The following C16orf46 variants were observed in gnomAD, a reference collection of about 807,000 sequenced individuals.
C16orf46 encodes the protein uncharacterized protein C16orf46.
C16orf46 carries 7 observed loss-of-function variants against 5.5 expected under a neutral mutation model. That is an observed-to-expected ratio of 1.28 (90% CI 0.73 to 2.40). C16orf46 has a LOEUF of 2.40. C16orf46 is among the 30% of genes most tolerant of loss of function. The probability of loss-of-function intolerance (pLI) is 0.00; values close to 1 mark genes in which losing one functional copy is unlikely to be tolerated. For synonymous variants in C16orf46, 200 were observed against 184.1 expected, an observed-to-expected ratio of 1.09 and a Z score of -0.70; for missense variants, 614 against 476.0, an observed-to-expected ratio of 1.29 and a Z score of -2.70.
chr16:81,061,784 G>C lies in C16orf46; in HGVS notation c.565C>G (p.Pro189Ala). The change falls in exon 4 of 4, where the codon CCC becomes GCC. Residue 189 changes from proline (P) to alanine (A), a missense_variant. Transcript: ENST00000299578. ...AGCCCTCTGTGGGCCCCTCCACTGG[G>C]ATTCCCAGAGGCCTTGCCCCTATTA... is the stretch of plus-strand genomic sequence containing the variant. Reference protein sequence around the residue: ...GTNRGKASGNPSGGAHRGLSI... With the variant: ...GTNRGKASGNASGGAHRGLSI... 1 of 1,613,948 alleles carries C rather than the reference G, an allele frequency of 6.2e-7. No homozygotes were observed. Among genetic ancestry groups the C allele is most frequent in the Non-Finnish European group, 8.5e-7 (1 of 1,179,922 alleles).
chr16:81,075,408 G>C lies in C16orf46; in HGVS notation c.-128+1728C>G, dbSNP rs1033752224. On this transcript the variant is annotated intron_variant, in intron 1 of 3. Coordinates refer to ENST00000299578, the MANE Select transcript of C16orf46 (RefSeq NM_152337.3). Reference sequence around the variant, plus strand: ...AGTTCAAGACCAGGCTGGCCAATATGATGAAACCCCATCTTTACCGAAAAT... The same window carrying C: ...AGTTCAAGACCAGGCTGGCCAATATCATGAAACCCCATCTTTACCGAAAAT... Among the ~76,000 whole-genome samples the C allele has an allele frequency of 3.3e-5, 5 of 152,244 alleles. 1 individual carries two copies. The highest frequency in any genetic ancestry group is 9.6e-5 in the African/African-American group (4 of 41,534).
intron 1 of C16orf46, among the ~76,000 whole-genome samples, chr16:81,067,621 C>T (rs1010616610): frequency 2.0e-5 from 3 of 151,964 alleles, no homozygotes; most frequent in East Asian, 1.9e-4. Context: ...GGTGTGATCT[C>T]GGATCACTGC....
downstream of C16orf46, among the ~76,000 whole-genome samples, chr16:81,058,221 AC>A (rs1843840905): frequency 6.6e-6 from 1 of 152,222 alleles, no homozygotes; most frequent in African/African-American, 2.4e-5. Context: ...AAGCTGGGGT[AC>A]TAAAAAATAT....
At chr16:81,074,415 T>G (rs904667901) in intron 1 of C16orf46, among the ~76,000 whole-genome samples, 4 of 152,062 alleles carry the variant, frequency 2.6e-5, no homozygotes, top group Non-Finnish European at 5.9e-5. Flanking sequence ...AGACAGAGTC[T>G]CGCTCTGTTG....
chr16:81,074,843 G>A (rs1017012885), intron 1 of C16orf46, among the ~76,000 whole-genome samples: 7 of 151,526 alleles, frequency 4.6e-5, no homozygotes, highest in Middle Eastern at 3.4e-3. Context: ...TTACTTAGAT[G>A]TAGACTCCAA....
At chr16:81,058,857 G>A (rs1971378857), downstream of C16orf46, among the ~76,000 whole-genome samples, 1 of 152,076 alleles carries the variant, frequency 6.6e-6, no homozygotes, top group Non-Finnish European at 1.5e-5. Flanking sequence ...TTTCCACCTA[G>A]TACTTCAAAC....
intron 2 of C16orf46, among the ~76,000 whole-genome samples, chr16:81,065,766 C>T (rs1381406556): frequency 6.6e-6 from 1 of 152,138 alleles, no homozygotes; most frequent in Non-Finnish European, 1.5e-5. Flanking sequence ...CTTCTTATGA[C>T]AAATCTGTTG....
At chr16:81,058,049 C>T (rs911759033), downstream of C16orf46, 1 of 174,664 alleles carries the variant, frequency 5.7e-6, no homozygotes, top group Admixed American at 5.7e-5. Flanking sequence ...CAAAACAAAA[C>T]AAAACAAAAC....
intron 3 of C16orf46, chr16:81,055,544 A>C (rs910509693): frequency 5.9e-5 from 9 of 151,748 alleles, no homozygotes; most frequent in African/African-American, 1.9e-4. Flanking sequence ...AAAAAAAAAA[A>C]TTAGCTGAGC....
chr16:81,062,454 C>T (rs754427), intron 3 of C16orf46, among the ~76,000 whole-genome samples: 146,462 of 152,312 alleles, frequency 0.96, 70,659 homozygotes, highest in Middle Eastern at 1. Flanking sequence ...CACTAAGCAA[C>T]AGTATTTGTA....
Position 81,061,746 on chromosome 16 carries a change from G to T in C16orf46, c.603C>A (p.Gly201=). The part of the protein sequence containing the change: ...GGAHRGLSIP[G]PLTSRALLVL... ...CTAGGAGGGCCCTGGAAGTCAGGGG[G>T]CCTGGGATGGACAGCCCTCTGTGGG... Residue 201 remains glycine (G), a synonymous_variant, in exon 4 of 4, where the codon GGC becomes GGA. Coordinates refer to ENST00000299578, the MANE Select transcript of C16orf46 (RefSeq NM_152337.3). 2 of 1,613,944 alleles carry T rather than the reference G, an allele frequency of 1.2e-6. No individual in the cohort carries two copies. Among genetic ancestry groups the T allele is most frequent in the South Asian group, 1.1e-5 (1 of 91,088 alleles).
intron 1 of C16orf46, among the ~76,000 whole-genome samples, chr16:81,066,643 T>A (rs1460221119): frequency 6.6e-6 from 1 of 152,218 alleles, no homozygotes; most frequent in East Asian, 1.9e-4. Context: ...TGTATGCAGT[T>A]TTACTTTTAT....
chr16:81,066,712 C>T (rs781134874), intron 1 of C16orf46, among the ~76,000 whole-genome samples: 19 of 152,326 alleles, frequency 1.2e-4, no homozygotes, highest in Non-Finnish European at 2.4e-4. Context: ...TTATGCCTGA[C>T]TTACACATTT....
At chr16:81,055,577 C>T (rs1443673422) in intron 3 of C16orf46, 1 of 152,002 alleles carries the variant, frequency 6.6e-6, no homozygotes, top group East Asian at 1.9e-4. Flanking sequence ...GCCTGTACAG[C>T]CAGCTACTAG....
Position 81,061,067 on chromosome 16 carries a change from A to AGAGT in C16orf46, c.*90_*93dup. On this transcript the variant is annotated 3_prime_UTR_variant, in exon 4 of 4. Coordinates refer to ENST00000299578, the MANE Select transcript of C16orf46 (RefSeq NM_152337.3). ...AGACTGACGGGGAGGAGAGAAAGAG[A>AGAGT]GAGTGGGGGGTGGGTGGGAAATGAG... 9.8e-7 allele frequency: 1 copy of AGAGT among 1,018,926 alleles called. No homozygotes were observed. The highest frequency in any genetic ancestry group is 1.4e-6 in the Non-Finnish European group (1 of 709,800). The allele number at this position is 1,018,926 out of a possible 1,614,324, so 63.1% of individuals were successfully genotyped here.
At chr16:81,064,140 T>A (rs929146362) in intron 2 of C16orf46, 147 bp from the exon 3 acceptor site, 2 of 525,780 alleles carry the variant, frequency 3.8e-6, no homozygotes, top group Admixed American at 6.8e-5. Flanking sequence ...AGGAATTACT[T>A]TGAGAGGCCA....
At chr16:81,072,693 T>A (rs1971898073) in intron 1 of C16orf46, among the ~76,000 whole-genome samples, 1 of 151,194 alleles carries the variant, frequency 6.6e-6, no homozygotes, top group Non-Finnish European at 1.5e-5. Context: ...CTAGTTTTTA[T>A]TTTTTTATTT....
downstream of C16orf46, among the ~76,000 whole-genome samples, chr16:81,058,841 T>G (rs1409386927): frequency 1.3e-5 from 2 of 152,194 alleles, no homozygotes; most frequent in African/African-American, 4.8e-5. Flanking sequence ...CTGCCTTATG[T>G]GATATTTTCC....
chr16:81,070,243 T>C (rs940233221), intron 1 of C16orf46, among the ~76,000 whole-genome samples: 2 of 152,238 alleles, frequency 1.3e-5, no homozygotes, highest in African/African-American at 4.8e-5. Flanking sequence ...TGATGAATAC[T>C]GAGATGATAT....
Sources: gnomAD v4.1 joint callset for allele counts (sites outside exome capture counted in the v4.1 genomes callset) on GRCh38, gnomAD v4.1.1 for gene constraint, MANE v1.5 for transcripts, NCBI Gene and HGNC (gene_info 2026-07-23, HGNC 2026-07-21) for gene names.